ANXA8: variants seen among roughly 807,000 people sequenced by gnomAD.
The protein encoded by ANXA8 is VAC-beta.
Under a neutral mutation model 26.8 loss-of-function variants are expected in ANXA8, and 9 were observed. The observed-to-expected ratio is 0.34, with a 90% confidence interval of 0.20 to 0.59. The LOEUF (loss-of-function observed/expected upper bound fraction) is 0.59. ANXA8 is among the 20% of genes least tolerant of loss of function. ANXA8 has a pLI of 0.84. For synonymous variants in ANXA8, 39 were observed against 94.8 expected, an observed-to-expected ratio of 0.41 and a Z score of 3.42; for missense variants, 83 against 238.5, an observed-to-expected ratio of 0.35 and a Z score of 4.29.
chr10:47,508,506 G>GT, the ANXA8 span, among the ~76,000 whole-genome samples: 1 of 111,602 alleles, frequency 9.0e-6, no homozygotes, highest in South Asian at 3.3e-4. Flanking sequence ...CTTGCCCAAG[G>GT]TCCCACCAAA....
the ANXA8 span, among the ~76,000 whole-genome samples, chr10:47,679,855 C>G: frequency 1.4e-3 from 212 of 151,932 alleles, 2 homozygotes; most frequent in South Asian, 0.043. Flanking sequence ...GAGGTTGAGG[C>G]TGCAGTGAAC....
the ANXA8 span, among the ~76,000 whole-genome samples, chr10:47,648,889 C>G: frequency 4.3e-5 from 2 of 46,374 alleles, no homozygotes; most frequent in African/African-American, 1.3e-4. Context: ...AATCTAGATA[C>G]TTAATAAGAA....
chr10:47,702,554 T>C, the ANXA8 span, among the ~76,000 whole-genome samples: 10 of 151,428 alleles, frequency 6.6e-5, no homozygotes, highest in Non-Finnish European at 1.5e-4. Context: ...TTGGCCAGGC[T>C]GGTCTTGAAC....
the ANXA8 span, among the ~76,000 whole-genome samples, chr10:47,898,810 G>GCTTT: frequency 4.7e-5 from 1 of 21,058 alleles, no homozygotes; most frequent in Non-Finnish European, 9.8e-5. Flanking sequence ...AAAGAGAATG[G>GCTTT]ATTTTTTTTT....
At chr10:47,675,924 C>CA in the ANXA8 span, among the ~76,000 whole-genome samples, 1 of 150,512 alleles carries the variant, frequency 6.6e-6, no homozygotes, top group South Asian at 2.1e-4. Flanking sequence ...GCCAAAGAAC[C>CA]AAGTTGAAAT....
chr10:47,632,083 T>C, the ANXA8 span, among the ~76,000 whole-genome samples: 3,725 of 150,988 alleles, frequency 0.025, 19 homozygotes, highest in Non-Finnish European at 0.033. Flanking sequence ...GTCTTAAGTA[T>C]AGACACAGAA....
the ANXA8 span, among the ~76,000 whole-genome samples, chr10:47,777,879 A>G: frequency 6.6e-6 from 1 of 151,660 alleles, no homozygotes; most frequent in Non-Finnish European, 1.5e-5. Context: ...TTCAGCCTTC[A>G]GAGCAGCAGG....
the ANXA8 span, among the ~76,000 whole-genome samples, chr10:47,645,133 A>G: frequency 6.6e-6 from 1 of 151,184 alleles, no homozygotes; most frequent in African/African-American, 2.4e-5. Flanking sequence ...TGAAAAAATA[A>G]TGTCTAATAA....
the ANXA8 span, among the ~76,000 whole-genome samples, chr10:47,672,785 C>T: frequency 6.6e-5 from 10 of 151,904 alleles, no homozygotes; most frequent in South Asian, 2.1e-4. Flanking sequence ...GTGAACCATT[C>T]GAGGTCTGGG....
At chr10:47,580,632 A>T in the ANXA8 span, among the ~76,000 whole-genome samples, 1 of 150,576 alleles carries the variant, frequency 6.6e-6, no homozygotes, top group Non-Finnish European at 1.5e-5. Context: ...AGCCCCAGCT[A>T]CTCAGGAGGC....
chr10:47,590,087 A>C, the ANXA8 span: 2 of 145,978 alleles, frequency 1.4e-5, 1 homozygote, highest in African/African-American at 5.6e-5. Context: ...ATTTGAAAAC[A>C]ATCATTCAGG....
At chr10:47,596,381 GA>G in the ANXA8 span, among the ~76,000 whole-genome samples, 2 of 103,584 alleles carry the variant, frequency 1.9e-5, no homozygotes, top group Non-Finnish European at 3.6e-5. Flanking sequence ...AGTAAAACAA[GA>G]AAAAAAACTA....
At chr10:47,516,592 C>T in the ANXA8 span, among the ~76,000 whole-genome samples, 3 of 138,440 alleles carry the variant, frequency 2.2e-5, no homozygotes, top group African/African-American at 8.3e-5. Context: ...ACAGCAGTTA[C>T]GTGAGATCCC....
At chr10:47,767,713 C>T in the ANXA8 span, among the ~76,000 whole-genome samples, 5 of 151,684 alleles carry the variant, frequency 3.3e-5, no homozygotes, top group Admixed American at 3.3e-4. Context: ...CCACCCCCTG[C>T]CCCCGTGAGA....
the ANXA8 span, among the ~76,000 whole-genome samples, chr10:47,666,483 G>A: frequency 2.6e-5 from 4 of 151,784 alleles, no homozygotes; most frequent in African/African-American, 4.9e-5. Flanking sequence ...AGACCAGGGA[G>A]CAGAAGCACA....
chr10:47,918,435 G>A, the ANXA8 span, among the ~76,000 whole-genome samples: 133 of 35,006 alleles, frequency 3.8e-3, no homozygotes, highest in African/African-American at 7.4e-3. Flanking sequence ...GAAAGAAAGA[G>A]AGAGAGAAAG....
At chr10:47,940,439 G>A in the ANXA8 span, among the ~76,000 whole-genome samples, 1 of 147,416 alleles carries the variant, frequency 6.8e-6, no homozygotes, top group South Asian at 2.1e-4. Flanking sequence ...GACTCCAGAG[G>A]GCTCCAGCAA....
chr10:47,899,705 T>C, the ANXA8 span, among the ~76,000 whole-genome samples: 1 of 60,000 alleles, frequency 1.7e-5, no homozygotes, highest in Non-Finnish European at 3.1e-5. Context: ...GAGATGGGGT[T>C]TCACTGTGTT....
At chr10:47,660,055 T>C in the ANXA8 span, among the ~76,000 whole-genome samples, 3 of 147,522 alleles carry the variant, frequency 2.0e-5, no homozygotes, top group South Asian at 4.2e-4. Context: ...AAGCCCGGCC[T>C]GAATCCTGGC....
Sources: allele counts gnomAD v4.1 joint callset (sites outside exome capture counted in the v4.1 genomes callset), GRCh38; gene constraint gnomAD v4.1.1; transcripts MANE v1.5; gene names NCBI Gene and HGNC (gene_info 2026-07-23, HGNC 2026-07-21).